The following ST8SIA1 variants were observed in gnomAD, a reference collection of about 807,000 sequenced individuals.
The protein encoded by ST8SIA1 is alpha-N-acetylneuraminide alpha-2,8-sialyltransferase.
A neutral mutation model predicts 35.9 loss-of-function variants in ST8SIA1; 16 were observed. That is an observed-to-expected ratio of 0.45 (90% CI 0.30 to 0.68). The LOEUF (loss-of-function observed/expected upper bound fraction) is 0.68, where lower values mean the gene tolerates loss of function less well. Among genes scored for constraint, ST8SIA1 ranks in the 30% least tolerant of loss-of-function variants. The pLI, the probability that ST8SIA1 is intolerant of heterozygous loss-of-function variation, is 0.09. For synonymous variants in ST8SIA1, 170 were observed against 169.6 expected, an observed-to-expected ratio of 1.00 and a Z score of -0.02; for missense variants, 383 against 453.6, an observed-to-expected ratio of 0.84 and a Z score of 1.41.
At chr12:22,310,501 C>A (rs1169781081) in intron 1 of ST8SIA1, among the ~76,000 whole-genome samples, 1 of 152,130 alleles carries the variant, frequency 6.6e-6, no homozygotes, top group East Asian at 1.9e-4. Context: ...AATACAGTAA[C>A]TCGATTGCCT....
chr12:22,320,236 A>G (rs80226587), intron 1 of ST8SIA1, among the ~76,000 whole-genome samples: 1,629 of 152,338 alleles, frequency 0.011, 21 homozygotes, highest in African/African-American at 0.031. Flanking sequence ...TGAAGGTTCA[A>G]AGACTTATCC....
intron 1 of ST8SIA1, among the ~76,000 whole-genome samples, chr12:22,304,533 T>C (rs1043982118): frequency 1.3e-5 from 2 of 152,102 alleles, no homozygotes; most frequent in African/African-American, 2.4e-5. Flanking sequence ...TTTTTCCTTA[T>C]GGAATCCCAA....
chr12:22,319,650 C>T (rs192654734), intron 1 of ST8SIA1, among the ~76,000 whole-genome samples: 22 of 152,262 alleles, frequency 1.4e-4, no homozygotes, highest in East Asian at 3.9e-4. Context: ...GGCAATCCAG[C>T]GCCCCCACTA....
chr12:22,303,846 C>CCACACA (rs61596419), intron 1 of ST8SIA1, among the ~76,000 whole-genome samples: 12,376 of 140,626 alleles, frequency 0.088, 594 homozygotes, highest in South Asian at 0.12. Flanking sequence ...CACCACCCTG[C>CCACACA]CACACACACA....
At chr12:22,313,375 A>G (rs561252126) in intron 1 of ST8SIA1, among the ~76,000 whole-genome samples, 1 of 152,328 alleles carries the variant, frequency 6.6e-6, no homozygotes, top group South Asian at 2.1e-4. Flanking sequence ...CAAGCTACCA[A>G]ATAAACACAC....
At chr12:22,260,969 T>TG (rs1403466132) in intron 2 of ST8SIA1, among the ~76,000 whole-genome samples, 4 of 145,494 alleles carry the variant, frequency 2.7e-5, no homozygotes, top group Non-Finnish European at 6.0e-5. Flanking sequence ...TTCAACCTCC[T>TG]GGGCTCAAGC....
chr12:22,287,864 G>GAT (rs1465092939), intron 1 of ST8SIA1, among the ~76,000 whole-genome samples: 4 of 152,198 alleles, frequency 2.6e-5, no homozygotes, highest in Admixed American at 6.5e-5. Flanking sequence ...AATGAATGAT[G>GAT]TGATCTCAGA....
chr12:22,232,489 G>A (rs1292724140), intron 4 of ST8SIA1, among the ~76,000 whole-genome samples: 3 of 152,238 alleles, frequency 2.0e-5, no homozygotes, highest in Admixed American at 1.3e-4. Flanking sequence ...AGAAAAGGGG[G>A]AATTAGGAGT....
At chr12:22,333,573 TG>T (rs374938224) in intron 1 of ST8SIA1, among the ~76,000 whole-genome samples, 41 of 152,354 alleles carry the variant, frequency 2.7e-4, no homozygotes, top group African/African-American at 9.6e-4. Context: ...TGTTACCGAC[TG>T]TGCACTCCAC....
intron 4 of ST8SIA1, among the ~76,000 whole-genome samples, chr12:22,220,369 C>T (rs1294053034): frequency 6.6e-6 from 1 of 152,090 alleles, no homozygotes; most frequent in African/African-American, 2.4e-5. Context: ...GGCAGAGGGA[C>T]AGTGTTTAAT....
At chr12:22,243,011 C>T (rs1050471032) in intron 4 of ST8SIA1, among the ~76,000 whole-genome samples, 5 of 152,188 alleles carry the variant, frequency 3.3e-5, no homozygotes, top group African/African-American at 1.2e-4. Flanking sequence ...CTTACTGTAG[C>T]AAAGCTCCTT....
chr12:22,234,357 T>G (rs1037691184), intron 4 of ST8SIA1, among the ~76,000 whole-genome samples: 6 of 152,186 alleles, frequency 3.9e-5, no homozygotes, highest in Admixed American at 2.0e-4. Flanking sequence ...TGAATAGTCC[T>G]GTACTAGTCT....
chr12:22,296,537 T>C (rs1192229380), intron 1 of ST8SIA1, among the ~76,000 whole-genome samples: 1 of 152,156 alleles, frequency 6.6e-6, no homozygotes, highest in African/African-American at 2.4e-5. Context: ...CAATTTTGAT[T>C]CCCCTCATAA....
chr12:22,260,384 AC>A (rs1393818833), intron 2 of ST8SIA1, among the ~76,000 whole-genome samples: 1 of 152,012 alleles, frequency 6.6e-6, no homozygotes, highest in Non-Finnish European at 1.5e-5. Flanking sequence ...CTGGTCTCAA[AC>A]TCAGGTTCAA....
At position 22,207,198 on chromosome 12, in the gene ST8SIA1, T is replaced by G. The variant is rs372488766; in HGVS notation, c.585-5160A>C. 3.3e-5 allele frequency among the ~76,000 whole-genome samples: 5 copies of G among 152,312 alleles called. No individual in the cohort carries two copies. In the East Asian group the frequency reaches 9.6e-4, roughly 29 times the overall value. The stretch of plus-strand genomic sequence containing the variant: ...ATTCGCGACTGCTGCATGGAAGGGC[T>G]TTATGCACTCTGGGAGAAAATTTAC... On this transcript the variant is annotated intron_variant, in intron 4 of 4. Coordinates refer to ENST00000396037, the MANE Select transcript of ST8SIA1 (RefSeq NM_003034.4).
intron 3 of ST8SIA1, among the ~76,000 whole-genome samples, chr12:22,251,301 T>G (rs552607250): frequency 2.0e-5 from 3 of 152,326 alleles, no homozygotes; most frequent in Admixed American, 2.0e-4. Context: ...AAATACTTTG[T>G]TTTCCTGTGT....
intron 4 of ST8SIA1, among the ~76,000 whole-genome samples, chr12:22,239,350 A>G (rs1351137012): frequency 6.6e-6 from 1 of 152,040 alleles, no homozygotes; most frequent in Non-Finnish European, 1.5e-5. Context: ...TCTATCGTCC[A>G]TGTTTCTTTG....
At position 22,328,597 on chromosome 12, in the gene ST8SIA1, GTAA is replaced by G. The variant is rs1289754016; in HGVS notation, c.236+5397_236+5399del. On this transcript the variant is annotated intron_variant, in intron 1 of 4. Coordinates refer to ENST00000396037, the MANE Select transcript of ST8SIA1 (RefSeq NM_003034.4). Reference sequence around the variant, plus strand: ...CAGACCCAGCATCTCCTATCCTACAGTAATAGTGGTAGACACAGAGTAGTAGGT... The same window carrying G: ...CAGACCCAGCATCTCCTATCCTACAGTAGTGGTAGACACAGAGTAGTAGGT... 2.6e-5 allele frequency among the ~76,000 whole-genome samples: 4 copies of G among 152,226 alleles called. No homozygotes were observed. In the East Asian group the frequency reaches 7.7e-4, roughly 29 times the overall value.
At position 22,321,509 on chromosome 12, in the gene ST8SIA1, C is replaced by A. The variant is rs541823152; in HGVS notation, c.236+12488G>T. ...TGCTCTTCTTGCCTTCTGCCGCAAG[C>A]GCCTAGAGGTTCTAGAGCCTGAGCA... On this transcript the variant is annotated intron_variant, in intron 1 of 4. Coordinates refer to ENST00000396037, the MANE Select transcript of ST8SIA1 (RefSeq NM_003034.4). Among the ~76,000 whole-genome samples the A allele has an allele frequency of 5.3e-5, 8 of 152,342 alleles. No homozygotes were observed. In the South Asian group the frequency reaches 1.7e-3, roughly 32 times the overall value.
Sources: gnomAD v4.1 joint callset for allele counts (sites outside exome capture counted in the v4.1 genomes callset) on GRCh38, gnomAD v4.1.1 for gene constraint, MANE v1.5 for transcripts, NCBI Gene and HGNC (gene_info 2026-07-23, HGNC 2026-07-21) for gene names.